The following RUNDC3B variants were observed in gnomAD, a reference collection of about 807,000 sequenced individuals.
The protein encoded by RUNDC3B is RUN domain containing 3B.
In RUNDC3B, 33 loss-of-function variants were observed where a neutral mutation model predicts 58.4. The observed-to-expected ratio is 0.56, with a 90% CI of 0.43 to 0.75. RUNDC3B has a LOEUF of 0.75. RUNDC3B is among the 30% of genes least tolerant of loss of function. RUNDC3B has a pLI of 0.00. For synonymous variants in RUNDC3B, 193 were observed against 195.2 expected, an observed-to-expected ratio of 0.99 and a Z score of 0.10; for missense variants, 501 against 535.7, an observed-to-expected ratio of 0.94 and a Z score of 0.64.
At chr7:87,641,699 A>G (rs1365796238) in intron 1 of RUNDC3B, among the ~76,000 whole-genome samples, 3 of 152,146 alleles carry the variant, frequency 2.0e-5, no homozygotes, top group Admixed American at 1.3e-4. Context: ...TCCAAAATAC[A>G]TATTGTTTTG....
rs187517704 is a variant in RUNDC3B, at chr7:87,762,728, A to T, written c.630-7853A>T. 2.0e-5 allele frequency among the ~76,000 whole-genome samples: 3 copies of T among 151,700 alleles called. No individual in the cohort carries two copies. In the East Asian group the frequency reaches 5.8e-4, roughly 29 times the overall value. ...AAGAAAATGGCATGACAGCAATAGT[A>T]AGATGTCATCAATTACAAGCTGTAC... On this transcript the variant is annotated intron_variant, in intron 6 of 10. Coordinates refer to ENST00000394654, the MANE Select transcript of RUNDC3B (RefSeq NM_001134405.2).
At chr7:87,694,294 A>G (rs1173855316) in intron 2 of RUNDC3B, among the ~76,000 whole-genome samples, 1 of 152,136 alleles carries the variant, frequency 6.6e-6, no homozygotes, top group African/African-American at 2.4e-5. Flanking sequence ...TGGCACCATA[A>G]ACAATAACTG....
intron 1 of RUNDC3B, among the ~76,000 whole-genome samples, chr7:87,639,076 C>T (rs751924867): frequency 6.7e-5 from 10 of 149,770 alleles, no homozygotes; most frequent in Non-Finnish European, 1.3e-4. Flanking sequence ...GGTGTAAACC[C>T]CGGAGGCGGA....
chr7:87,650,752 C>T (rs1237005560), intron 1 of RUNDC3B, 70 bp from the exon 2 acceptor site: 2 of 878,644 alleles, frequency 2.3e-6, no homozygotes, highest in Non-Finnish European at 3.8e-6. Context: ...AATTGCCTTC[C>T]TCCCATTTTT....
At chr7:87,678,506 C>T (rs1422796327) in intron 2 of RUNDC3B, among the ~76,000 whole-genome samples, 1 of 151,772 alleles carries the variant, frequency 6.6e-6, no homozygotes, top group Non-Finnish European at 1.5e-5. Flanking sequence ...TAAAATGGAA[C>T]ATTAAAACAT....
At chr7:87,799,709 A>G (rs1336313849) in intron 8 of RUNDC3B, among the ~76,000 whole-genome samples, 3 of 152,004 alleles carry the variant, frequency 2.0e-5, no homozygotes, top group Non-Finnish European at 4.4e-5. Context: ...CAACATGTTG[A>G]AAGCCCGTCT....
intron 1 of RUNDC3B, among the ~76,000 whole-genome samples, chr7:87,634,496 G>T (rs1044890046): frequency 2.5e-4 from 9 of 36,696 alleles, no homozygotes; most frequent in East Asian, 3.8e-3. Flanking sequence ...GTGGGGGGTG[G>T]GGGGGGGGGC....
intron 1 of RUNDC3B, among the ~76,000 whole-genome samples, chr7:87,632,522 C>T (rs1821327284): frequency 6.6e-6 from 1 of 152,072 alleles, no homozygotes; most frequent in African/African-American, 2.4e-5. Context: ...CATTTGAGGA[C>T]TCTAAATCTT....
At chr7:87,788,321 G>A (rs1835332509) in intron 8 of RUNDC3B, among the ~76,000 whole-genome samples, 2 of 152,126 alleles carry the variant, frequency 1.3e-5, no homozygotes, top group South Asian at 4.1e-4. Flanking sequence ...TTTTTGGGAG[G>A]AACTATGATG....
rs115063975 is a variant in RUNDC3B, at chr7:87,829,510, G to A, written c.1226-375G>A. 6.8e-3 allele frequency among the ~76,000 whole-genome samples: 1,036 copies of A among 152,164 alleles called. 7 individuals carry two copies. Among genetic ancestry groups the A allele is most frequent in the African/African-American group, 0.022 (910 of 41,524 alleles). On this transcript the variant is annotated intron_variant, in intron 10 of 10. Coordinates refer to ENST00000394654, the MANE Select transcript of RUNDC3B (RefSeq NM_001134405.2). ...TCAAACATCAGATGGCTATACATGT[G>A]CAGCTTTATTTCTGGGTTCTCTATT...
chr7:87,694,175 A>C (rs1270155739), intron 2 of RUNDC3B: 4 of 354,138 alleles, frequency 1.1e-5, no homozygotes. Flanking sequence ...AATCCACACA[A>C]TATAATAACC....
At chr7:87,754,261 A>G (rs1457246018) in intron 6 of RUNDC3B, among the ~76,000 whole-genome samples, 1 of 152,238 alleles carries the variant, frequency 6.6e-6, no homozygotes, top group Non-Finnish European at 1.5e-5. Context: ...CAGCACAACC[A>G]AAATAGAAGT....
chr7:87,760,551 G>C (rs1320486084), intron 6 of RUNDC3B, among the ~76,000 whole-genome samples: 1 of 151,842 alleles, frequency 6.6e-6, no homozygotes, highest in East Asian at 1.9e-4. Context: ...CAAAATCAGA[G>C]GACTCATACA....
intron 4 of RUNDC3B, among the ~76,000 whole-genome samples, chr7:87,737,992 G>A (rs1832085310): frequency 6.6e-6 from 1 of 151,962 alleles, no homozygotes; most frequent in South Asian, 2.1e-4. Context: ...TAGTACAAAG[G>A]TGCCATTAGA....
intron 8 of RUNDC3B, 32 bp from the exon 9 acceptor site, chr7:87,807,341 G>A (rs775664990): frequency 6.2e-7 from 1 of 1,609,718 alleles, no homozygotes; most frequent in Non-Finnish European, 8.5e-7. Flanking sequence ...GAACAGTGAA[G>A]ACAAAAGCAC....
At chr7:87,788,739 A>G (rs1331683212) in intron 8 of RUNDC3B, among the ~76,000 whole-genome samples, 1 of 99,138 alleles carries the variant, frequency 1.0e-5, no homozygotes, top group Non-Finnish European at 2.2e-5. Context: ...TTTTTATTAT[A>G]CTTTAGGTTT....
chr7:87,694,438 C>T (rs1370687971), intron 2 of RUNDC3B, among the ~76,000 whole-genome samples: 2 of 152,120 alleles, frequency 1.3e-5, no homozygotes, highest in African/African-American at 4.8e-5. Context: ...CACTGCTGGA[C>T]CTTTGTACTT....
intron 2 of RUNDC3B, among the ~76,000 whole-genome samples, chr7:87,674,734 TG>T (rs1310156632): frequency 6.6e-6 from 1 of 152,116 alleles, no homozygotes; most frequent in Admixed American, 6.5e-5. Context: ...GCACCCTGGT[TG>T]GGCATCTGAG....
intron 4 of RUNDC3B, among the ~76,000 whole-genome samples, chr7:87,722,421 G>C (rs1830959086): frequency 6.6e-6 from 1 of 152,062 alleles, no homozygotes; most frequent in Non-Finnish European, 1.5e-5. Context: ...ACATTTTAAA[G>C]TTCACATGTA....
Sources: gnomAD v4.1 joint callset for allele counts (sites outside exome capture counted in the v4.1 genomes callset) on GRCh38, gnomAD v4.1.1 for gene constraint, MANE v1.5 for transcripts, NCBI Gene and HGNC (gene_info 2026-07-23, HGNC 2026-07-21) for gene names.